CPT1A: variants seen among roughly 807,000 people sequenced by gnomAD.
CPT1A encodes the protein carnitine palmitoyltransferase 1A.
A neutral mutation model predicts 100.8 loss-of-function variants in CPT1A; 64 were observed. That is an observed-to-expected ratio of 0.63 (90% CI 0.52 to 0.78). The LOEUF (loss-of-function observed/expected upper bound fraction) is 0.78. Among genes scored for constraint, CPT1A ranks in the 30% least tolerant of loss-of-function variants. The probability of loss-of-function intolerance (pLI) is 0.00; values close to 1 mark genes in which losing one functional copy is unlikely to be tolerated. For synonymous variants in CPT1A, 363 were observed against 396.0 expected (o/e 0.92, Z 0.99); for missense variants, 802 against 1,034.1 (o/e 0.78, Z 3.08).
At position 68,794,173 on chromosome 11, in the gene CPT1A, G is replaced by A. The variant is rs201578781; in HGVS notation, c.879+631C>T. ...GCTGGGTGAAAGAAACTAGAATTCC[G>A]AAAAAAAGAGTGCATACTGTTATGA... On this transcript the variant is annotated intron_variant, in intron 8 of 18. Transcript: ENST00000265641. Among the ~76,000 whole-genome samples the A allele has an allele frequency of 9.2e-5, 14 of 152,014 alleles. No homozygotes were observed. In the East Asian group the frequency reaches 9.7e-4, roughly 10 times the overall value.
chr11:68,780,576 G>T (rs920041810), intron 12 of CPT1A, 64 bp downstream of exon 12: 2 of 1,435,260 alleles, frequency 1.4e-6, no homozygotes, highest in Admixed American at 1.7e-5. Flanking sequence ...GCGCCACTGC[G>T]CCTGGCCAGG....
At chr11:68,835,796 A>T (rs546448669) in intron 1 of CPT1A, among the ~76,000 whole-genome samples, 2 of 152,290 alleles carry the variant, frequency 1.3e-5, no homozygotes, top group East Asian at 3.9e-4. Context: ...AAACACACAG[A>T]TCTGGGTTCA....
chr11:68,816,095 A>T (rs2154001416), intron 1 of CPT1A, among the ~76,000 whole-genome samples: 1 of 152,294 alleles, frequency 6.6e-6, no homozygotes, highest in Non-Finnish European at 1.5e-5. Context: ...CAACTCGCAC[A>T]GCACAGACAA....
chr11:68,790,027 T>C (rs762570284), intron 9 of CPT1A, among the ~76,000 whole-genome samples: 1 of 152,326 alleles, frequency 6.6e-6, no homozygotes, highest in Non-Finnish European at 1.5e-5. Context: ...GTTCTAGCCC[T>C]GGTACCTGTG....
Position 68,792,193 on chromosome 11 carries a change from C to T in CPT1A, c.967+1122G>A, listed in dbSNP as rs191040242. ...TCTACTAAAAATATAAAAAATTAGC[C>T]GGGCGTGGTGGCAGACACCTATAGT... On this transcript the variant is annotated intron_variant, in intron 9 of 18. Coordinates refer to ENST00000265641, the MANE Select transcript of CPT1A (RefSeq NM_001876.4). 1.8e-3 allele frequency among the ~76,000 whole-genome samples: 272 copies of T among 152,048 alleles called. 2 individuals are homozygous for T. Among genetic ancestry groups the T allele is most frequent in the East Asian group, 8.0e-3 (41 of 5,134 alleles).
At chr11:68,765,303 CT>C (rs1429043937) in intron 14 of CPT1A, among the ~76,000 whole-genome samples, 17 of 152,274 alleles carry the variant, frequency 1.1e-4, no homozygotes, top group African/African-American at 3.9e-4. Flanking sequence ...ACAGTCATGC[CT>C]TGTGCCCACA....
intron 9 of CPT1A, among the ~76,000 whole-genome samples, chr11:68,788,876 G>A (rs922501051): frequency 1.3e-5 from 2 of 152,134 alleles, no homozygotes; most frequent in Non-Finnish European, 2.9e-5. Flanking sequence ...ATCACTTTGA[G>A]GGTAATTTGT....
chr11:68,814,544 G>A (rs946480731), intron 2 of CPT1A, among the ~76,000 whole-genome samples: 17 of 152,014 alleles, frequency 1.1e-4, no homozygotes, highest in Admixed American at 8.5e-4. Context: ...TCCTGACCTC[G>A]TGATCCACCC....
chr11:68,783,683 T>A (rs1174964725), intron 10 of CPT1A, among the ~76,000 whole-genome samples: 1 of 152,210 alleles, frequency 6.6e-6, no homozygotes, highest in East Asian at 1.9e-4. Context: ...CACTTCTGGT[T>A]GTCACACAGG....
At position 68,755,469 on chromosome 11, in the gene CPT1A, G is replaced by A. The variant is rs1262471217; in HGVS notation, c.*2175C>T. 6.5e-6 allele frequency: 1 copy of A among 153,592 alleles called. No homozygotes were observed. The highest frequency in any genetic ancestry group is 1.5e-5 in the Non-Finnish European group (1 of 68,318). 9.5% of individuals were successfully genotyped at this position (153,592 alleles called of 1,614,324 possible). ...CTGTCGCCCAGGCTGGAGTGCAGTGGAGCGATCTCGGCTCACTGCAAGCTC... is the reference window on the plus strand; with the variant it reads ...CTGTCGCCCAGGCTGGAGTGCAGTGAAGCGATCTCGGCTCACTGCAAGCTC... On this transcript the variant is annotated 3_prime_UTR_variant, in exon 19 of 19. Transcript: ENST00000265641.
chr11:68,820,655 C>T (rs1400584769), intron 1 of CPT1A, among the ~76,000 whole-genome samples: 2 of 152,006 alleles, frequency 1.3e-5, no homozygotes, highest in Non-Finnish European at 1.5e-5. Flanking sequence ...GCACTTCAGC[C>T]TGGGGTACAG....
chr11:68,787,805 G>A (rs11228352), intron 9 of CPT1A, among the ~76,000 whole-genome samples: 12,302 of 152,012 alleles, frequency 0.081, 609 homozygotes, highest in Non-Finnish European at 0.11. Flanking sequence ...TTAGCCAGGC[G>A]TGGTGGCGGA....
Position 68,796,844 on chromosome 11 carries a change from G to A in CPT1A, c.771+12C>T, listed in dbSNP as rs373688243. The A allele has an allele frequency of 3.7e-5, 59 of 1,613,108 alleles. 1 individual carries two copies. The South Asian group carries it at 4.4e-4, about 12-fold the overall frequency. On this transcript the variant is annotated intron_variant, in intron 7 of 18. Coordinates refer to ENST00000265641, the MANE Select transcript of CPT1A (RefSeq NM_001876.4). ...GTCCTCGTCAGACAGCAGCCCGGGC[G>A]GGTGGACTCACCATGGCATAATAGT...
intron 3 of CPT1A, among the ~76,000 whole-genome samples, chr11:68,811,468 G>A (rs146272415): frequency 2.0e-5 from 3 of 152,120 alleles, no homozygotes; most frequent in African/African-American, 7.2e-5. Context: ...GTTGCCCTGC[G>A]TTCCACTGTC....
chr11:68,808,747 T>A (rs1306579139), intron 3 of CPT1A, among the ~76,000 whole-genome samples: 4 of 152,076 alleles, frequency 2.6e-5, no homozygotes, highest in South Asian at 2.1e-4. Context: ...TGAAAACTAT[T>A]TAAGCATGCT....
intron 7 of CPT1A, 55 bp downstream of exon 7, chr11:68,796,801 C>T (rs1855764517): frequency 1.3e-6 from 2 of 1,566,690 alleles, no homozygotes; most frequent in African/African-American, 1.4e-5. Context: ...CCTCTGTGGA[C>T]AGACCCGCCG....
intron 5 of CPT1A, among the ~76,000 whole-genome samples, chr11:68,801,372 G>A (rs1354598684): frequency 6.6e-6 from 1 of 152,106 alleles, no homozygotes; most frequent in Non-Finnish European, 1.5e-5. Flanking sequence ...GCTTGTGCCT[G>A]TAATCCCAGT....
intron 9 of CPT1A, among the ~76,000 whole-genome samples, chr11:68,791,471 G>A (rs1421672034): frequency 6.6e-6 from 1 of 152,248 alleles, no homozygotes; most frequent in Non-Finnish European, 1.5e-5. Flanking sequence ...ACGACAGTGT[G>A]TGGCAGGAAG....
intron 6 of CPT1A, 35 bp downstream of exon 6, chr11:68,799,183 A>ATGCT (rs371123694): frequency 1.3e-5 from 20 of 1,588,702 alleles, no homozygotes; most frequent in Admixed American, 5.0e-5. Flanking sequence ...CATACGGAAA[A>ATGCT]ATTTCATCAA....
Sources: gnomAD v4.1 joint callset for allele counts (sites outside exome capture counted in the v4.1 genomes callset) on GRCh38, gnomAD v4.1.1 for gene constraint, MANE v1.5 for transcripts, NCBI Gene and HGNC (gene_info 2026-07-23, HGNC 2026-07-21) for gene names.